The following NDUFAF6 variants were observed in gnomAD, a reference collection of about 807,000 sequenced individuals.
The protein encoded by NDUFAF6 is NADH:ubiquinone oxidoreductase complex assembly factor 6.
In NDUFAF6, 45 loss-of-function variants were observed where a neutral mutation model predicts 40.8. The observed-to-expected ratio is 1.10, with a 90% CI of 0.87 to 1.42. The LOEUF is 1.42. Ranked by LOEUF, NDUFAF6 falls within the 40% of genes most tolerant of loss-of-function variation. The probability of loss-of-function intolerance (pLI) is 0.00; values close to 1 mark genes in which losing one functional copy is unlikely to be tolerated. For missense variants in NDUFAF6, 435 were observed against 418.5 expected, an observed-to-expected ratio of 1.04 and a Z score of -0.34; for synonymous variants, 185 against 155.9, an observed-to-expected ratio of 1.19 and a Z score of -1.39.
At chr8:95,024,984 T>C (rs985685952), upstream of NDUFAF6, 1 of 1,294,642 alleles carries the variant, frequency 7.7e-7, no homozygotes, top group Non-Finnish European at 9.7e-7. Flanking sequence ...CGGCGGGGGG[T>C]CGAAGGGCAC....
upstream of NDUFAF6, among the ~76,000 whole-genome samples, chr8:94,955,713 C>T (rs551725284): frequency 3.3e-4 from 50 of 152,274 alleles, no homozygotes; most frequent in Non-Finnish European, 6.5e-4. Flanking sequence ...AGAACTTGAG[C>T]CCCCTCAAAC....
chr8:94,960,122 T>C (rs1823443925), intron 1 of NDUFAF6, among the ~76,000 whole-genome samples: 1 of 152,244 alleles, frequency 6.6e-6, no homozygotes, highest in African/African-American at 2.4e-5. Context: ...GCATAGCCTC[T>C]GTGTCACCAG....
chr8:94,975,342 A>G (rs13250762), intron 1 of NDUFAF6: 23,834 of 152,194 alleles, frequency 0.16, 2,083 homozygotes, highest in Middle Eastern at 0.25. Context: ...GAAAAGAGAT[A>G]ATGGTATGGT....
At chr8:94,939,427 T>G (rs774199147) in intron 1 of NDUFAF6, among the ~76,000 whole-genome samples, 1 of 152,190 alleles carries the variant, frequency 6.6e-6, no homozygotes, top group Non-Finnish European at 1.5e-5. Context: ...GACAGAGTCT[T>G]GCTCTGTCAC....
At chr8:95,064,572 C>T (rs957000173) in intron 9 of NDUFAF6, among the ~76,000 whole-genome samples, 13 of 151,618 alleles carry the variant, frequency 8.6e-5, no homozygotes, top group African/African-American at 1.2e-4. Context: ...TGCGCGCGTG[C>T]GTGTGCATGA....
intron 9 of NDUFAF6, among the ~76,000 whole-genome samples, chr8:95,066,203 C>T (rs1011132524): frequency 2.0e-5 from 3 of 151,850 alleles, no homozygotes; most frequent in African/African-American, 7.3e-5. Flanking sequence ...CCTTGAACTC[C>T]TGAGCTCAAA....
At chr8:94,992,713 C>T (rs1042130705) in intron 2 of NDUFAF6, among the ~76,000 whole-genome samples, 2 of 152,098 alleles carry the variant, frequency 1.3e-5, no homozygotes, top group African/African-American at 2.4e-5. Context: ...AGATCTATTC[C>T]CAAGATCCTC....
chr8:94,999,212 C>A (rs1191637062), intron 2 of NDUFAF6, among the ~76,000 whole-genome samples: 2 of 151,758 alleles, frequency 1.3e-5, no homozygotes, highest in African/African-American at 4.8e-5. Context: ...CAACCTCCGC[C>A]TCCCTGGTTA....
intron 2 of NDUFAF6, among the ~76,000 whole-genome samples, chr8:95,018,599 G>T (rs1490525851): frequency 2.6e-5 from 4 of 151,852 alleles, no homozygotes; most frequent in African/African-American, 9.7e-5. Context: ...ACAGGTGGGG[G>T]TGGGAAGAGG....
At chr8:95,107,078 A>G (rs1370503735), downstream of NDUFAF6, among the ~76,000 whole-genome samples, 1 of 152,228 alleles carries the variant, frequency 6.6e-6, no homozygotes, top group Admixed American at 6.5e-5. Flanking sequence ...CAGTGTGGTG[A>G]TTCCTCAAGG....
chr8:94,985,079 C>G (rs1223198635), intron 2 of NDUFAF6, among the ~76,000 whole-genome samples: 2 of 152,046 alleles, frequency 1.3e-5, no homozygotes, highest in East Asian at 3.9e-4. Flanking sequence ...GCCATGTAAT[C>G]CAAGTCTGGC....
chr8:95,045,914 G>C (rs941441028), intron 5 of NDUFAF6, among the ~76,000 whole-genome samples: 1 of 152,054 alleles, frequency 6.6e-6, no homozygotes, highest in Admixed American at 6.6e-5. Context: ...GTAATTGCAA[G>C]TGGCTTTACT....
At chr8:95,046,297 G>C (rs1316440700) in intron 5 of NDUFAF6, among the ~76,000 whole-genome samples, 1 of 152,016 alleles carries the variant, frequency 6.6e-6, no homozygotes, top group Non-Finnish European at 1.5e-5. Context: ...TGCCCGCCTC[G>C]GCCTCCCAAA....
chr8:95,102,066 C>T (rs935734286), intron 2 of NDUFAF6, among the ~76,000 whole-genome samples: 2 of 152,074 alleles, frequency 1.3e-5, no homozygotes, highest in African/African-American at 2.4e-5. Flanking sequence ...GGCATGATCT[C>T]GGCTCACTGC....
intron 2 of NDUFAF6, among the ~76,000 whole-genome samples, chr8:95,003,380 A>G (rs1447183740): frequency 6.6e-6 from 1 of 152,216 alleles, no homozygotes; most frequent in Non-Finnish European, 1.5e-5. Context: ...ATAGCAAAAT[A>G]TATAAGTAAG....
Position 95,045,575 on chromosome 8 carries a change from A to G in NDUFAF6, c.508A>G (p.Asn170Asp). The G allele has an allele frequency of 2.5e-6, 4 of 1,613,476 alleles. No homozygotes were observed. The highest frequency in any genetic ancestry group is 3.4e-6 in the Non-Finnish European group (4 of 1,179,618). The change falls in exon 5 of 9, where the codon AAT (asparagine) becomes GAT (aspartate). Residue 170 changes from asparagine (N) to aspartate (D), a missense_variant. By Grantham distance (23) the Asn-to-Asp change is conservative. Coordinates refer to ENST00000396124, the MANE Select transcript of NDUFAF6 (RefSeq NM_152416.4). ...EKNLDDKAYR[N>D]IKELENYAEN... ...AAATCTGGATGACAAAGCATATCGT[A>G]ATATCAAGGAACTGGAAAATTATGC...
intron 2 of NDUFAF6, among the ~76,000 whole-genome samples, chr8:95,019,278 G>A (rs1827595482): frequency 6.6e-6 from 1 of 152,208 alleles, no homozygotes. Context: ...CCAAAGTGCT[G>A]GGATTACAGG....
upstream of NDUFAF6, among the ~76,000 whole-genome samples, chr8:95,097,613 C>T (rs138307605): frequency 9.9e-5 from 15 of 152,242 alleles, no homozygotes; most frequent in Admixed American, 2.6e-4. Context: ...TCAGGAGAAT[C>T]GCTTGAACTG....
At chr8:95,110,025 G>A (rs4735348) in intron 4 of NDUFAF6, among the ~76,000 whole-genome samples, 73,833 of 152,074 alleles carry the variant, frequency 0.49, 19,778 homozygotes, top group East Asian at 0.98. Flanking sequence ...AATTTAGGAG[G>A]AATATTCTAA....
Sources: allele counts gnomAD v4.1 joint callset (sites outside exome capture counted in the v4.1 genomes callset), GRCh38; gene constraint gnomAD v4.1.1; transcripts MANE v1.5; gene names NCBI Gene and HGNC (gene_info 2026-07-23, HGNC 2026-07-21).